Variants in CTNND2 observed in about 807,000 individuals in gnomAD.
CTNND2 encodes the protein catenin delta-2.
A neutral mutation model predicts 144.4 loss-of-function variants in CTNND2; 22 were observed. The observed-to-expected ratio is 0.15, with a 90% CI of 0.11 to 0.22. CTNND2 has a LOEUF of 0.22. Ranked by LOEUF, CTNND2 falls within the 10% of genes least tolerant of loss-of-function variation. The pLI is 1.00. For synonymous variants in CTNND2, 751 were observed against 695.6 expected (o/e 1.08, Z -1.25); for missense variants, 1,353 against 1,618.8 (o/e 0.84, Z 2.82).
chr5:11,750,695 T>C (rs1017077659), intron 1 of CTNND2, among the ~76,000 whole-genome samples: 1 of 151,868 alleles, frequency 6.6e-6, no homozygotes, highest in African/African-American at 2.4e-5. Context: ...CTCTATATTG[T>C]AGGTTTGCGT....
chr5:11,195,104 G>C (rs1580551675), intron 11 of CTNND2, among the ~76,000 whole-genome samples: 2 of 152,060 alleles, frequency 1.3e-5, no homozygotes, highest in Admixed American at 1.3e-4. Context: ...TTTTAAAAGA[G>C]AAGAAGAAAA....
intron 1 of CTNND2, among the ~76,000 whole-genome samples, chr5:11,848,002 T>C (rs1229830390): frequency 6.6e-6 from 1 of 152,090 alleles, no homozygotes; most frequent in African/African-American, 2.4e-5. Flanking sequence ...ATTTAATGCT[T>C]ATTTTAATAT....
intron 9 of CTNND2, among the ~76,000 whole-genome samples, chr5:11,252,081 T>A (rs1471223532): frequency 2.0e-5 from 3 of 152,204 alleles, no homozygotes; most frequent in Non-Finnish European, 2.9e-5. Context: ...GGCAGTAGCA[T>A]TACTGAAAAT....
intron 2 of CTNND2, among the ~76,000 whole-genome samples, chr5:11,624,273 T>C (rs1781033232): frequency 6.6e-6 from 1 of 152,134 alleles, no homozygotes. Context: ...TAAATTTACA[T>C]GTCTTGACCA....
At chr5:11,529,070 C>CT (rs1773516209) in intron 3 of CTNND2, among the ~76,000 whole-genome samples, 2 of 152,132 alleles carry the variant, frequency 1.3e-5, no homozygotes, top group Non-Finnish European at 2.9e-5. Flanking sequence ...CAGGAAATAG[C>CT]AATGCGGAAA....
chr5:11,269,225 C>T (rs1373147026), intron 9 of CTNND2, among the ~76,000 whole-genome samples: 1 of 152,188 alleles, frequency 6.6e-6, no homozygotes, highest in Non-Finnish European at 1.5e-5. Flanking sequence ...GAAAGCGAGG[C>T]AGTGCGCTTT....
chr5:11,415,557 G>A (rs900364882), intron 3 of CTNND2, among the ~76,000 whole-genome samples: 2 of 152,148 alleles, frequency 1.3e-5, no homozygotes, highest in African/African-American at 4.8e-5. Context: ...AGTGAGCTGA[G>A]ATTGCGCCAC....
intron 1 of CTNND2, among the ~76,000 whole-genome samples, chr5:11,817,686 G>A (rs1793064904): frequency 6.6e-6 from 1 of 152,050 alleles, no homozygotes; most frequent in Admixed American, 6.6e-5. Context: ...ATATGTGGAA[G>A]GGCATCTCCA....
chr5:11,529,979 T>C (rs534498448), intron 3 of CTNND2, among the ~76,000 whole-genome samples: 6 of 151,528 alleles, frequency 4.0e-5, no homozygotes, highest in Admixed American at 1.3e-4. Context: ...AAGATTGCTT[T>C]TTAAAGCTGT....
chr5:11,635,334 C>T (rs538674834), intron 2 of CTNND2, among the ~76,000 whole-genome samples: 11 of 152,108 alleles, frequency 7.2e-5, no homozygotes, highest in African/African-American at 2.4e-4. Context: ...CAGTGAGAAA[C>T]TGGAGTCCTA....
chr5:11,210,095 T>G (rs1444633092), intron 10 of CTNND2, among the ~76,000 whole-genome samples: 1 of 152,160 alleles, frequency 6.6e-6, no homozygotes, highest in Non-Finnish European at 1.5e-5. Flanking sequence ...CTGGGTAGTT[T>G]TATAGAGATA....
intron 1 of CTNND2, among the ~76,000 whole-genome samples, chr5:11,768,499 C>T (rs1025253497): frequency 6.6e-6 from 1 of 152,140 alleles, no homozygotes; most frequent in East Asian, 1.9e-4. Flanking sequence ...TCCTGTTGGC[C>T]AGGCTGGCCT....
At chr5:11,784,172 G>C (rs148588951) in intron 1 of CTNND2, among the ~76,000 whole-genome samples, 7 of 152,278 alleles carry the variant, frequency 4.6e-5, no homozygotes, top group Non-Finnish European at 1.0e-4. Context: ...TGCTGAAAAT[G>C]GCATAAGCAA....
intron 2 of CTNND2, among the ~76,000 whole-genome samples, chr5:11,657,412 T>C (rs1329464664): frequency 6.6e-6 from 1 of 152,150 alleles, no homozygotes; most frequent in Non-Finnish European, 1.5e-5. Flanking sequence ...TCTTTGTATT[T>C]AGCTATCTCT....
At chr5:11,700,024 G>T (rs773815610) in intron 2 of CTNND2, among the ~76,000 whole-genome samples, 13 of 152,284 alleles carry the variant, frequency 8.5e-5, no homozygotes, top group Non-Finnish European at 1.9e-4. Context: ...TATGTGTGTG[G>T]GGGGCACTGT....
At chr5:11,708,757 A>C (rs936461815) in intron 2 of CTNND2, among the ~76,000 whole-genome samples, 3 of 152,110 alleles carry the variant, frequency 2.0e-5, no homozygotes, top group African/African-American at 4.8e-5. Flanking sequence ...CATTTAAGGC[A>C]GGGTAAGCAC....
chr5:11,820,089 A>C (rs1793230793), intron 1 of CTNND2, among the ~76,000 whole-genome samples: 1 of 152,146 alleles, frequency 6.6e-6, no homozygotes, highest in African/African-American at 2.4e-5. Flanking sequence ...CAACACTGTC[A>C]AGGAAAGAAA....
intron 9 of CTNND2, among the ~76,000 whole-genome samples, chr5:11,345,540 T>A (rs1754685568): frequency 1.3e-5 from 2 of 152,084 alleles, no homozygotes; most frequent in African/African-American, 4.8e-5. Context: ...TCAGTGAAAA[T>A]TCCTTGAGAT....
intron 2 of CTNND2, among the ~76,000 whole-genome samples, chr5:11,701,004 G>T (rs915705981): frequency 6.6e-6 from 1 of 152,128 alleles, no homozygotes; most frequent in Non-Finnish European, 1.5e-5. Context: ...CATAATCAAA[G>T]GGCAGTTATT....
Sources: gnomAD v4.1 joint callset for allele counts (sites outside exome capture counted in the v4.1 genomes callset) on GRCh38, gnomAD v4.1.1 for gene constraint, MANE v1.5 for transcripts, NCBI Gene and HGNC (gene_info 2026-07-23, HGNC 2026-07-21) for gene names.